The following GPR155 variants were observed in gnomAD, a reference collection of about 807,000 sequenced individuals.
GPR155 encodes the protein G protein-coupled receptor 155, also known as lysosomal cholesterol signaling protein.
In GPR155, 65 loss-of-function variants were observed where a neutral mutation model predicts 93.1. The ratio of observed to expected loss-of-function variants is 0.70; its 90% CI spans 0.57 to 0.86. GPR155 has a LOEUF of 0.86. Ranked by LOEUF, GPR155 falls within the 40% of genes least tolerant of loss-of-function variation. The pLI, the probability that GPR155 is intolerant of heterozygous loss-of-function variation, is 0.00. For synonymous variants in GPR155, 319 were observed against 360.1 expected, an observed-to-expected ratio of 0.89 and a Z score of 1.29; for missense variants, 838 against 1,034.8, an observed-to-expected ratio of 0.81 and a Z score of 2.61.
intron 3 of GPR155, among the ~76,000 whole-genome samples, chr2:174,470,880 CT>C (rs1687975935): frequency 6.6e-6 from 1 of 152,122 alleles, no homozygotes; most frequent in African/African-American, 2.4e-5. Context: ...TACTTTCTTG[CT>C]TCCTCTATCA....
At chr2:174,471,244 T>C (rs1188670163) in intron 3 of GPR155, among the ~76,000 whole-genome samples, 1 of 151,444 alleles carries the variant, frequency 6.6e-6, no homozygotes, top group Non-Finnish European at 1.5e-5. Flanking sequence ...TACAAAAAAT[T>C]AGCCGGGCAT....
intron 12 of GPR155, 156 bp from the exon 13 acceptor site, chr2:174,445,332 T>C (rs1687088908): frequency 1.8e-6 from 1 of 566,790 alleles, no homozygotes; most frequent in African/African-American, 1.9e-5. Flanking sequence ...ATCTTTTCAA[T>C]AAGAAAGTTT....
chr2:174,462,888 G>T (rs998142539), intron 7 of GPR155, among the ~76,000 whole-genome samples: 1 of 152,150 alleles, frequency 6.6e-6, no homozygotes, highest in African/African-American at 2.4e-5. Context: ...CTTTAAAGTT[G>T]AAAGGGACCT....
At chr2:174,465,698 T>G (rs1197647474) in intron 7 of GPR155, 87 bp downstream of exon 7, 3 of 701,802 alleles carry the variant, frequency 4.3e-6, no homozygotes, top group African/African-American at 1.8e-5. Flanking sequence ...ACTACCAGAC[T>G]TCAAATAGAT....
At chr2:174,481,412 T>G (rs1688315095) in intron 2 of GPR155, 85 bp downstream of exon 2, 5 of 787,304 alleles carry the variant, frequency 6.4e-6, no homozygotes, top group Admixed American at 4.9e-5. Flanking sequence ...TTCTTAGATA[T>G]GAGAGTAAGA....
Position 174,431,999 on chromosome 2 carries a change from T to A in GPR155, c.*4117A>T, listed in dbSNP as rs920587568. ...GTTTTAATCAAAATTTTATCATTTT[T>A]CTAGCTGTCACTCTACATATTGGAA... On this transcript the variant is annotated 3_prime_UTR_variant, in exon 16 of 16. Transcript: ENST00000392552. 8.5e-5 allele frequency: 13 copies of A among 152,230 alleles called. No individual in the cohort carries two copies. The highest frequency in any genetic ancestry group is 3.1e-4 in the African/African-American group (13 of 41,466). 9.4% of individuals were successfully genotyped at this position (152,230 alleles called of 1,614,324 possible). A position where few individuals can be genotyped will look rare whatever the true frequency, so the allele number is the denominator to read the frequency against.
At position 174,446,745 on chromosome 2, in the gene GPR155, T is replaced by C. The variant is rs201621082; in HGVS notation, c.1879A>G (p.Asn627Asp). The C allele has an allele frequency of 3.0e-5, 49 of 1,613,338 alleles. No individual in the cohort carries two copies. The highest frequency in any genetic ancestry group is 4.1e-5 in the Non-Finnish European group (48 of 1,179,764). Residue 627 changes from asparagine to aspartate, a missense_variant and splice_region_variant, in exon 12 of 16, where the codon AAT becomes GAT. Transcript: ENST00000392552. ...EPVIPSFEKN[N>D]HCVSRCNSQS... ...GAGTTACAGCGACTCACACAATGAT[T>C]GTCTATAAAAGAGTAAGCACAACAA... is the stretch of plus-strand genomic sequence containing the variant.
At chr2:174,459,315 C>CAA (rs1687612091) in intron 10 of GPR155, among the ~76,000 whole-genome samples, 2 of 152,070 alleles carry the variant, frequency 1.3e-5, no homozygotes, top group African/African-American at 4.8e-5. Context: ...TTAGGGCCTT[C>CAA]CTTCAGTTGT....
At chr2:174,444,305 C>T (rs1277896876) in intron 13 of GPR155, among the ~76,000 whole-genome samples, 1 of 151,562 alleles carries the variant, frequency 6.6e-6, no homozygotes, top group Non-Finnish European at 1.5e-5. Context: ...ATCCCAGCTA[C>T]TCAGGAGGCT....
At chr2:174,445,606 A>T (rs1156627553) in intron 12 of GPR155, among the ~76,000 whole-genome samples, 1 of 152,198 alleles carries the variant, frequency 6.6e-6, no homozygotes, top group African/African-American at 2.4e-5. Context: ...CTATCTCACG[A>T]GCATCCCAGT....
At chr2:174,450,223 C>A (rs929533816) in intron 11 of GPR155, among the ~76,000 whole-genome samples, 1 of 151,514 alleles carries the variant, frequency 6.6e-6, no homozygotes, top group Admixed American at 6.6e-5. Flanking sequence ...AACACAGAAA[C>A]AGAAAACCAA....
chr2:174,477,300 A>AT (rs1468577610), intron 2 of GPR155, among the ~76,000 whole-genome samples: 1 of 152,062 alleles, frequency 6.6e-6, no homozygotes, highest in Non-Finnish European at 1.5e-5. Flanking sequence ...CATATTTATC[A>AT]TTTTTTCTGA....
intron 7 of GPR155, among the ~76,000 whole-genome samples, chr2:174,464,550 T>A (rs554146814): frequency 6.6e-6 from 1 of 151,908 alleles, no homozygotes; most frequent in South Asian, 2.1e-4. Flanking sequence ...GTTTTGGGAA[T>A]TCAGAATGAC....
intron 1 of GPR155, among the ~76,000 whole-genome samples, chr2:174,484,920 GA>G (rs1378824817): frequency 6.6e-6 from 1 of 152,102 alleles, no homozygotes; most frequent in Non-Finnish European, 1.5e-5. Flanking sequence ...CTCAAACAAA[GA>G]CCTCCTTAGA....
At chr2:174,454,134 TTGTTC>T (rs901043821) in intron 10 of GPR155, among the ~76,000 whole-genome samples, 7 of 152,006 alleles carry the variant, frequency 4.6e-5, no homozygotes, top group Non-Finnish European at 8.8e-5. Context: ...TTGTTTTGTT[TTGTTC>T]TGTTTTTTTG....
chr2:174,467,864 G>A (rs1386027671), intron 5 of GPR155, among the ~76,000 whole-genome samples: 2 of 151,854 alleles, frequency 1.3e-5, no homozygotes, highest in Admixed American at 1.3e-4. Context: ...AGCCACCCAG[G>A]TAGCTGGGAT....
At chr2:174,472,884 G>T (rs1169089337) in intron 3 of GPR155, 81 bp downstream of exon 3, 4 of 1,056,028 alleles carry the variant, frequency 3.8e-6, no homozygotes, top group Non-Finnish European at 5.6e-6. Context: ...AGGGGAAAAT[G>T]GTTGCAGACA....
At chr2:174,462,109 A>AT (rs963933253) in intron 7 of GPR155, among the ~76,000 whole-genome samples, 21 of 151,128 alleles carry the variant, frequency 1.4e-4, no homozygotes, top group African/African-American at 3.6e-4. Context: ...CTAAATAAGA[A>AT]TTTTTTTTTG....
rs1688004217 is a variant in GPR155, at chr2:174,471,724, T to G, written c.861-1169A>C. ...TAAAGAACTACTCTGATCTGTACTT[T>G]TTAAATTAAAAAACTTAAATATCTA... On this transcript the variant is annotated intron_variant, in intron 3 of 15. Transcript: ENST00000392552. Among the ~76,000 whole-genome samples, 4 of 152,154 alleles carry G rather than the reference T, an allele frequency of 2.6e-5. No homozygotes were observed. In the South Asian group the frequency reaches 8.3e-4, roughly 31 times the overall value.
Sources: gnomAD v4.1 joint callset for allele counts (sites outside exome capture counted in the v4.1 genomes callset) on GRCh38, gnomAD v4.1.1 for gene constraint, MANE v1.5 for transcripts, NCBI Gene and HGNC (gene_info 2026-07-23, HGNC 2026-07-21) for gene names.